SMAP1: variants seen among roughly 807,000 people sequenced by gnomAD.
SMAP1 encodes the protein small ArfGAP 1.
Under a neutral mutation model 58.5 loss-of-function variants are expected in SMAP1, and 24 were observed. That is an observed-to-expected ratio of 0.41 (90% CI 0.30 to 0.58). The LOEUF (loss-of-function observed/expected upper bound fraction) is 0.58, where lower values mean the gene tolerates loss of function less well. SMAP1 is among the 20% of genes least tolerant of loss of function. The pLI is 0.29. For missense variants in SMAP1, 563 were observed against 566.3 expected (o/e 0.99, Z 0.06); for synonymous variants, 216 against 196.6 (o/e 1.10, Z -0.82).
At chr6:70,773,964 C>T (rs143455739) in intron 4 of SMAP1, among the ~76,000 whole-genome samples, 74 of 152,284 alleles carry the variant, frequency 4.9e-4, no homozygotes, top group East Asian at 2.7e-3. Flanking sequence ...GTATATACAA[C>T]GTTGGTCCTA....
intron 7 of SMAP1, chr6:70,837,772 T>C: frequency 8.2e-7 from 1 of 1,220,132 alleles, no homozygotes; most frequent in Non-Finnish European, 1.1e-6. Flanking sequence ...AATTTTTCTT[T>C]TTTTTTAGTT....
intron 2 of SMAP1, among the ~76,000 whole-genome samples, chr6:70,740,309 C>CA (rs1765761547): frequency 6.6e-6 from 1 of 152,104 alleles, no homozygotes; most frequent in Admixed American, 6.5e-5. Context: ...CCTATAATCC[C>CA]AGCAATTTGG....
intron 1 of SMAP1, among the ~76,000 whole-genome samples, chr6:70,714,573 T>C (rs1243738469): frequency 6.6e-6 from 1 of 152,214 alleles, no homozygotes. Context: ...GAGTTGTTTT[T>C]AGTACTTTTA....
intron 1 of SMAP1, among the ~76,000 whole-genome samples, chr6:70,728,067 G>GA (rs199657124): frequency 4.7e-4 from 70 of 147,874 alleles, no homozygotes; most frequent in Admixed American, 1.6e-3. Flanking sequence ...CTGTCTCAAA[G>GA]AAAAAAAAAA....
At chr6:70,794,790 T>C (rs1357866935) in intron 5 of SMAP1, among the ~76,000 whole-genome samples, 4 of 42,288 alleles carry the variant, frequency 9.5e-5, no homozygotes, top group Non-Finnish European at 2.2e-4. Flanking sequence ...TTTCTTTTCT[T>C]TTTTTTTTTT....
chr6:70,805,076 A>T (rs562738114), intron 6 of SMAP1, among the ~76,000 whole-genome samples: 103 of 152,148 alleles, frequency 6.8e-4, no homozygotes, highest in African/African-American at 2.2e-3. Context: ...GTTCTCCTGG[A>T]TAATATCCTG....
At chr6:70,814,559 G>A (rs1204319664) in intron 6 of SMAP1, among the ~76,000 whole-genome samples, 3 of 152,088 alleles carry the variant, frequency 2.0e-5, no homozygotes, top group African/African-American at 7.2e-5. Context: ...CTTCAGCTCT[G>A]TGCTGTGTTT....
chr6:70,857,883 G>A (rs2150014548), intron 9 of SMAP1, 39 bp from the exon 10 acceptor site: 2 of 1,599,038 alleles, frequency 1.3e-6, no homozygotes, highest in Non-Finnish European at 1.7e-6. Context: ...AACTACACGT[G>A]ATAGCTCTGT....
At chr6:70,771,420 G>A (rs973464443) in intron 3 of SMAP1, among the ~76,000 whole-genome samples, 5 of 152,256 alleles carry the variant, frequency 3.3e-5, no homozygotes, top group African/African-American at 1.2e-4. Context: ...GGAGCTTCCA[G>A]GCTGCTTTGT....
rs1766091710 is a variant in SMAP1 at position 70,667,925 on chromosome 6, C to G, written c.-99C>G. On this transcript the variant is annotated 5_prime_UTR_variant, in exon 1 of 11. Coordinates refer to ENST00000370455, the MANE Select transcript of SMAP1 (RefSeq NM_001044305.3). ...GCTGCCGCTTCCTGGGCTGAGTCCG[C>G]CCGCGGTCCCGGCGGCGCCAGGTGC... is the stretch of plus-strand genomic sequence containing the variant. The G allele has an allele frequency of 5.8e-6, 6 of 1,038,506 alleles. No homozygotes were observed. Among genetic ancestry groups the G allele is most frequent in the Non-Finnish European group, 8.2e-6 (6 of 730,262 alleles). 64.3% of individuals were successfully genotyped at this position (1,038,506 alleles called of 1,614,324 possible).
At chr6:70,709,229 A>G (rs992297754) in intron 1 of SMAP1, among the ~76,000 whole-genome samples, 2 of 152,236 alleles carry the variant, frequency 1.3e-5, no homozygotes, top group Admixed American at 1.3e-4. Context: ...TTGACCATAT[A>G]TGCTTGGATT....
intron 10 of SMAP1, chr6:70,859,359 C>CA: frequency 6.5e-7 from 1 of 1,547,704 alleles, no homozygotes; most frequent in East Asian, 2.4e-5. Context: ...TGTTCTCCAG[C>CA]ACTCCATCAG....
At chr6:70,855,669 G>C (rs113872548) in intron 8 of SMAP1, among the ~76,000 whole-genome samples, 12 of 152,302 alleles carry the variant, frequency 7.9e-5, no homozygotes, top group African/African-American at 2.9e-4. Context: ...TTATAGGAGA[G>C]AGACTGAAAG....
chr6:70,770,820 G>T (rs539134246), intron 3 of SMAP1, among the ~76,000 whole-genome samples: 3 of 152,188 alleles, frequency 2.0e-5, no homozygotes, highest in African/African-American at 7.2e-5. Flanking sequence ...AGGACGAGAG[G>T]TGCTCTGCTT....
Position 70,860,212 on chromosome 6 carries a change from A to T in SMAP1, c.1282A>T (p.Met428Leu). ...ATATGTTTCACAGATGAATCAGCAG[A>T]TGGCTGGCATGAGTATCAGTAGTGC... ...QWSLSQMNQQMAGMSISSATP... is the reference protein window; with the variant it reads ...QWSLSQMNQQLAGMSISSATP... The change falls in exon 11 of 11, where the codon ATG (methionine) becomes TTG (leucine). Residue 428 changes from methionine (M) to leucine (L), a missense_variant. Coordinates refer to ENST00000370455, the MANE Select transcript of SMAP1 (RefSeq NM_001044305.3). 9 of 1,609,362 alleles carry T rather than the reference A, an allele frequency of 5.6e-6. No homozygotes were observed. Among genetic ancestry groups the T allele is most frequent in the East Asian group, 2.2e-5 (1 of 44,798 alleles).
intron 3 of SMAP1, among the ~76,000 whole-genome samples, chr6:70,769,302 T>C (rs1455334815): frequency 1.3e-5 from 2 of 152,202 alleles, no homozygotes; most frequent in Non-Finnish European, 2.9e-5. Context: ...TTCCTGGGTA[T>C]CCTTGTTAAC....
chr6:70,824,226 A>G (rs1396395178), intron 6 of SMAP1, among the ~76,000 whole-genome samples: 1 of 152,152 alleles, frequency 6.6e-6, no homozygotes, highest in Non-Finnish European at 1.5e-5. Flanking sequence ...GTGACTTGCA[A>G]GCTCCCTGCT....
intron 1 of SMAP1, among the ~76,000 whole-genome samples, chr6:70,682,061 G>A (rs1766732545): frequency 6.6e-6 from 1 of 151,784 alleles, no homozygotes; most frequent in Admixed American, 6.6e-5. Context: ...CAATTTGTGA[G>A]AGAGTAAGAT....
chr6:70,770,501 G>C (rs573451962), intron 3 of SMAP1, among the ~76,000 whole-genome samples: 1 of 151,516 alleles, frequency 6.6e-6, no homozygotes, highest in African/African-American at 2.4e-5. Flanking sequence ...CATTCATTTC[G>C]TCTTCCATCA....
Sources: gnomAD v4.1 joint callset for allele counts (sites outside exome capture counted in the v4.1 genomes callset) on GRCh38, gnomAD v4.1.1 for gene constraint, MANE v1.5 for transcripts, NCBI Gene and HGNC (gene_info 2026-07-23, HGNC 2026-07-21) for gene names.